Variants in TAFA1 observed in about 807,000 individuals in gnomAD.
TAFA1 encodes the protein chemokine-like protein TAFA-1.
Under a neutral mutation model 18.5 loss-of-function variants are expected in TAFA1, and 4 were observed. The ratio of observed to expected loss-of-function variants is 0.22; its 90% CI spans 0.11 to 0.49. The LOEUF is 0.49. Among genes scored for constraint, TAFA1 ranks in the 20% least tolerant of loss-of-function variants. The pLI is 0.98. For missense variants in TAFA1, 147 were observed against 169.0 expected, an observed-to-expected ratio of 0.87 and a Z score of 0.72; for synonymous variants, 56 against 55.2, an observed-to-expected ratio of 1.01 and a Z score of -0.06.
At chr3:68,226,200 G>T (rs72924524) in intron 2 of TAFA1, among the ~76,000 whole-genome samples, 19,632 of 152,078 alleles carry the variant, frequency 0.13, 1,439 homozygotes, top group African/African-American at 0.19. Flanking sequence ...AGGGGTCAGG[G>T]TATAACTGAA....
intron 2 of TAFA1, among the ~76,000 whole-genome samples, chr3:68,216,507 G>T (rs554816357): frequency 6.6e-6 from 1 of 152,072 alleles, no homozygotes; most frequent in Non-Finnish European, 1.5e-5. Flanking sequence ...CTGAGATTGG[G>T]TTGATAAAGT....
intron 2 of TAFA1, among the ~76,000 whole-genome samples, chr3:68,277,168 A>G (rs1275300748): frequency 6.6e-6 from 1 of 152,182 alleles, no homozygotes; most frequent in Non-Finnish European, 1.5e-5. Flanking sequence ...TAGAATGTGT[A>G]TTCCACCTTT....
intron 3 of TAFA1, among the ~76,000 whole-genome samples, chr3:68,445,423 G>A (rs1258760484): frequency 1.3e-5 from 2 of 152,036 alleles, no homozygotes; most frequent in African/African-American, 2.4e-5. Context: ...TTAATTAGTC[G>A]ACAAATGAAT....
chr3:68,419,198 A>G (rs2070908419), intron 3 of TAFA1, among the ~76,000 whole-genome samples: 1 of 152,174 alleles, frequency 6.6e-6, no homozygotes, highest in Non-Finnish European at 1.5e-5. Flanking sequence ...TTATTTCCAC[A>G]ATATCCTACA....
At chr3:68,108,733 T>C (rs1273070515) in intron 2 of TAFA1, among the ~76,000 whole-genome samples, 1 of 152,080 alleles carries the variant, frequency 6.6e-6, no homozygotes, top group East Asian at 1.9e-4. Context: ...AAATGAAATG[T>C]TCAAAACAAA....
chr3:68,409,521 C>G (rs1316254020), intron 2 of TAFA1, among the ~76,000 whole-genome samples: 1 of 152,140 alleles, frequency 6.6e-6, no homozygotes, highest in Non-Finnish European at 1.5e-5. Flanking sequence ...AAGGTACTTG[C>G]TTTCTCTTCA....
chr3:68,267,052 T>C (rs2067561715), intron 2 of TAFA1, among the ~76,000 whole-genome samples: 1 of 152,056 alleles, frequency 6.6e-6, no homozygotes, highest in Admixed American at 6.6e-5. Context: ...CAAATAATCC[T>C]CCTCCCTAGG....
At chr3:68,063,292 T>C (rs1189430815) in intron 2 of TAFA1, among the ~76,000 whole-genome samples, 5 of 152,208 alleles carry the variant, frequency 3.3e-5, no homozygotes, top group Non-Finnish European at 1.5e-5. Context: ...GTCACTGAGC[T>C]ACATACTTTC....
intron 2 of TAFA1, among the ~76,000 whole-genome samples, chr3:68,124,965 G>A (rs2065446272): frequency 6.6e-6 from 1 of 152,202 alleles, no homozygotes; most frequent in African/African-American, 2.4e-5. Context: ...TTTTGGAATA[G>A]AAGCAAACAA....
chr3:68,535,224 A>G (rs140905773), intron 3 of TAFA1, among the ~76,000 whole-genome samples: 11 of 152,228 alleles, frequency 7.2e-5, no homozygotes, highest in Non-Finnish European at 1.5e-4. Flanking sequence ...AAAGTTTTAC[A>G]ATATATTTTT....
At chr3:68,489,726 C>T (rs937385039) in intron 3 of TAFA1, among the ~76,000 whole-genome samples, 8 of 152,142 alleles carry the variant, frequency 5.3e-5, no homozygotes, top group African/African-American at 1.7e-4. Context: ...ATACTAGTAG[C>T]CATTGTTTTA....
chr3:68,421,819 T>TA (rs1208873479), intron 3 of TAFA1, among the ~76,000 whole-genome samples: 2 of 152,098 alleles, frequency 1.3e-5, no homozygotes, highest in African/African-American at 2.4e-5. Flanking sequence ...GGATAATGCT[T>TA]AGAGAGAAAC....
chr3:68,062,776 G>T (rs2064620996), intron 2 of TAFA1, among the ~76,000 whole-genome samples: 2 of 152,218 alleles, frequency 1.3e-5, no homozygotes, highest in Non-Finnish European at 2.9e-5. Context: ...TTGGTTAAGA[G>T]ATAACCATAA....
chr3:68,338,951 G>A (rs151283425), intron 2 of TAFA1, among the ~76,000 whole-genome samples: 577 of 152,320 alleles, frequency 3.8e-3, no homozygotes, highest in Non-Finnish European at 6.9e-3. Flanking sequence ...CTAAAGGGCA[G>A]CATCTTCCTA....
At chr3:68,336,025 G>C (rs544886552) in intron 2 of TAFA1, among the ~76,000 whole-genome samples, 1 of 152,326 alleles carries the variant, frequency 6.6e-6, no homozygotes, top group East Asian at 1.9e-4. Context: ...GGCGAGCCTT[G>C]GAGCCTGGCA....
intron 2 of TAFA1, among the ~76,000 whole-genome samples, chr3:68,198,295 T>C (rs1336160875): frequency 6.6e-6 from 1 of 151,726 alleles, no homozygotes; most frequent in Non-Finnish European, 1.5e-5. Flanking sequence ...TCTTCATTGC[T>C]TCCAAATTTT....
chr3:68,006,868 A>G, intron 2 of TAFA1, 124 bp downstream of exon 2: 2 of 696,384 alleles, frequency 2.9e-6, no homozygotes, highest in Non-Finnish European at 5.1e-6. Context: ...ATTCCAAGAC[A>G]TATTGTTGGC....
At chr3:68,518,459 A>T (rs1485154005) in intron 3 of TAFA1, among the ~76,000 whole-genome samples, 1 of 152,186 alleles carries the variant, frequency 6.6e-6, no homozygotes, top group Non-Finnish European at 1.5e-5. Context: ...AAATTTATTA[A>T]ATTTGTCCTC....
intron 3 of TAFA1, 54 bp downstream of exon 3, chr3:68,417,474 A>C (rs1171791468): frequency 6.5e-7 from 1 of 1,546,858 alleles, no homozygotes; most frequent in Non-Finnish European, 8.8e-7. Context: ...ACTATACATA[A>C]TATAATTTCT....
Sources: allele counts gnomAD v4.1 joint callset (sites outside exome capture counted in the v4.1 genomes callset), GRCh38; gene constraint gnomAD v4.1.1; transcripts MANE v1.5; gene names NCBI Gene and HGNC (gene_info 2026-07-23, HGNC 2026-07-21).